GRID2: variants seen among roughly 807,000 people sequenced by gnomAD.
The protein encoded by GRID2 is glutamate receptor ionotropic, delta-2.
GRID2 carries 33 observed loss-of-function variants against 114.8 expected under a neutral mutation model. The observed-to-expected ratio is 0.29, with a 90% CI of 0.22 to 0.38. GRID2 has a LOEUF of 0.38. GRID2 is among the 10% of genes least tolerant of loss of function. The probability of loss-of-function intolerance (pLI) is 1.00; values close to 1 mark genes in which losing one functional copy is unlikely to be tolerated. For synonymous variants in GRID2, 505 were observed against 449.9 expected (o/e 1.12, Z -1.55); for missense variants, 1,184 against 1,257.7 (o/e 0.94, Z 0.89).
intron 4 of GRID2, among the ~76,000 whole-genome samples, chr4:93,127,313 G>T (rs1022123559): frequency 6.6e-6 from 1 of 151,994 alleles, no homozygotes; most frequent in Non-Finnish European, 1.5e-5. Context: ...TTTGTGTTGT[G>T]GTCTTTGAAC....
rs1208737823 is a variant in GRID2, at chr4:93,774,108, TATTCTTAAGATATATTATATTTTG to T, written c.*1613_*1636del. On this transcript the variant is annotated 3_prime_UTR_variant, in exon 16 of 16. Coordinates refer to ENST00000282020, the MANE Select transcript of GRID2 (RefSeq NM_001510.4). ...TTGCTTTAGGAGAAATTAAAAGGTATATTCTTAAGATATATTATATTTTGATGCTAATTCTGTTCTGGGGAGCAT... is the reference window on the plus strand; with the variant it reads ...TTGCTTTAGGAGAAATTAAAAGGTATATGCTAATTCTGTTCTGGGGAGCAT... 6.6e-6 allele frequency: 1 copy of T among 152,120 alleles called. No homozygotes were observed. The highest frequency in any genetic ancestry group is 2.4e-5 in the African/African-American group (1 of 41,452). The allele number at this position is 152,120 out of a possible 1,614,324, so 9.4% of individuals were successfully genotyped here.
In GRID2 at chr4:92,304,421, A is replaced by C. The variant is rs924772713; in HGVS notation, c.-236A>C. On this transcript the variant is annotated 5_prime_UTR_variant, in exon 1 of 16. Coordinates refer to ENST00000282020, the MANE Select transcript of GRID2 (RefSeq NM_001510.4). ...AACTGCAAACAACTCTGGCGATGCC[A>C]AAATTCCCCTCCAAGTGACACGGCT... 2 of 579,836 alleles carry C rather than the reference A, an allele frequency of 3.4e-6. No individual in the cohort carries two copies. The highest frequency in any genetic ancestry group is 6.2e-5 in the Admixed American group (2 of 32,174). The allele number at this position is 579,836 out of a possible 1,614,324, so 35.9% of individuals were successfully genotyped here. A position where few individuals can be genotyped will look rare whatever the true frequency, so the allele number is the denominator to read the frequency against.
At chr4:92,890,680 T>A (rs1441202471) in intron 2 of GRID2, among the ~76,000 whole-genome samples, 1 of 152,124 alleles carries the variant, frequency 6.6e-6, no homozygotes, top group African/African-American at 2.4e-5. Context: ...GTAAATTAGT[T>A]CAACCGTTGT....
At chr4:93,307,488 T>A (rs995787993) in intron 8 of GRID2, among the ~76,000 whole-genome samples, 14 of 152,120 alleles carry the variant, frequency 9.2e-5, no homozygotes, top group South Asian at 2.1e-4. Flanking sequence ...TTTTTAAATT[T>A]TTTTTAGTAA....
At chr4:93,484,232 G>A (rs2149450466) in intron 11 of GRID2, among the ~76,000 whole-genome samples, 1 of 151,880 alleles carries the variant, frequency 6.6e-6, no homozygotes, top group African/African-American at 2.4e-5. Flanking sequence ...AACATTACCA[G>A]TGACCCAGCC....
At chr4:93,395,180 T>C (rs1007485203) in intron 8 of GRID2, among the ~76,000 whole-genome samples, 3 of 152,028 alleles carry the variant, frequency 2.0e-5, no homozygotes, top group African/African-American at 7.2e-5. Context: ...TTAAAAATAG[T>C]GTCTTTTTTC....
rs1729458290 is a variant in GRID2, at chr4:93,077,682, T to C, written c.245-7313T>C. Among the ~76,000 whole-genome samples the C allele has an allele frequency of 1.3e-5, 2 of 152,188 alleles. 1 individual carries two copies. Among genetic ancestry groups the C allele is most frequent in the Admixed American group, 1.3e-4 (2 of 15,272 alleles). On this transcript the variant is annotated intron_variant, in intron 2 of 15. Transcript: ENST00000282020. ...AAATTTTACCTATAATGACCAAATA[T>C]GACATTCTGCACTCACCGAGTTTCC...
At chr4:93,283,431 T>TAAC (rs1047252942) in intron 8 of GRID2, among the ~76,000 whole-genome samples, 9 of 152,056 alleles carry the variant, frequency 5.9e-5, no homozygotes, top group Non-Finnish European at 7.4e-5. Flanking sequence ...TACCAATGCC[T>TAAC]AACATATCAG....
At chr4:93,290,520 A>C (rs1706604270) in intron 8 of GRID2, among the ~76,000 whole-genome samples, 1 of 151,682 alleles carries the variant, frequency 6.6e-6, no homozygotes, top group Admixed American at 6.6e-5. Flanking sequence ...TCTTTTTTGT[A>C]CTTTTGGCTT....
At chr4:92,805,851 A>G (rs1349432836) in intron 2 of GRID2, among the ~76,000 whole-genome samples, 9 of 151,878 alleles carry the variant, frequency 5.9e-5, no homozygotes, top group East Asian at 1.9e-4. Flanking sequence ...TAGTTTCTCT[A>G]TATGTTATTT....
At chr4:92,449,675 TGA>T (rs1491298677) in intron 1 of GRID2, among the ~76,000 whole-genome samples, 34 of 43,014 alleles carry the variant, frequency 7.9e-4, no homozygotes, top group African/African-American at 2.6e-3. Flanking sequence ...CTTTTCTTAC[TGA>T]TATATATATA....
At chr4:92,551,254 CTGTGTGTGTGTGTG>C (rs34809917) in intron 1 of GRID2, among the ~76,000 whole-genome samples, 5 of 146,872 alleles carry the variant, frequency 3.4e-5, no homozygotes, top group Admixed American at 6.8e-5. Context: ...ACATCTACAC[CTGTGTGTGTGTGTG>C]TGTGTGTGTG....
chr4:93,377,584 G>A (rs1056260279), intron 8 of GRID2, among the ~76,000 whole-genome samples: 1 of 152,128 alleles, frequency 6.6e-6, no homozygotes, highest in East Asian at 1.9e-4. Context: ...ATCGTGTTCA[G>A]CTCAATAAGT....
intron 9 of GRID2, among the ~76,000 whole-genome samples, chr4:93,408,702 A>T (rs1249579837): frequency 6.6e-6 from 1 of 152,050 alleles, no homozygotes; most frequent in Non-Finnish European, 1.5e-5. Flanking sequence ...GCTTATTGTG[A>T]CACACAGAAA....
At chr4:93,119,408 T>C (rs1733573693) in intron 4 of GRID2, among the ~76,000 whole-genome samples, 1 of 152,144 alleles carries the variant, frequency 6.6e-6, no homozygotes, top group Non-Finnish European at 1.5e-5. Flanking sequence ...CCAGAAACAA[T>C]ACAAAAAAAT....
intron 1 of GRID2, among the ~76,000 whole-genome samples, chr4:92,331,566 G>A (rs184718117): frequency 3.3e-5 from 5 of 152,234 alleles, no homozygotes; most frequent in African/African-American, 1.2e-4. Context: ...CAGACACACA[G>A]TATCTACTAG....
intron 14 of GRID2, among the ~76,000 whole-genome samples, chr4:93,733,955 CT>C (rs1451116715): frequency 6.6e-6 from 1 of 152,002 alleles, no homozygotes; most frequent in East Asian, 1.9e-4. Flanking sequence ...CCAAAACCTG[CT>C]TTTTTAAAAC....
intron 14 of GRID2, among the ~76,000 whole-genome samples, chr4:93,756,528 G>A (rs1449330180): frequency 2.0e-5 from 3 of 152,170 alleles, no homozygotes; most frequent in Admixed American, 6.5e-5. Flanking sequence ...CTGCCATCTT[G>A]CTGTGTGCTC....
chr4:93,282,526 A>G lies in GRID2; in HGVS notation c.1245+44036A>G, dbSNP rs575669449. 3.1e-5 allele frequency: 8 copies of G among 257,774 alleles called. No individual in the cohort carries two copies. The Admixed American group carries it at 3.6e-4, about 12-fold the overall frequency. 16.0% of individuals were successfully genotyped at this position (257,774 alleles called of 1,614,324 possible). ...AAACTCATCCTTTTATCAGGAAACT[A>G]CTCTCCAGATAACAGACTAACATTT... On this transcript the variant is annotated intron_variant, in intron 8 of 15. Coordinates refer to ENST00000282020, the MANE Select transcript of GRID2 (RefSeq NM_001510.4).
Sources: allele counts gnomAD v4.1 joint callset (sites outside exome capture counted in the v4.1 genomes callset), GRCh38; gene constraint gnomAD v4.1.1; transcripts MANE v1.5; gene names NCBI Gene and HGNC (gene_info 2026-07-23, HGNC 2026-07-21).